NUDT5: variants seen among roughly 807,000 people sequenced by gnomAD.
The protein encoded by NUDT5 is ADP-sugar pyrophosphatase.
A neutral mutation model predicts 34.1 loss-of-function variants in NUDT5; 21 were observed. That is an observed-to-expected ratio of 0.62 (90% CI 0.44 to 0.89). The LOEUF (loss-of-function observed/expected upper bound fraction) is 0.89. NUDT5 is among the 40% of genes least tolerant of loss of function. The pLI is 0.00. For synonymous variants in NUDT5, 85 were observed against 97.6 expected (o/e 0.87, Z 0.76); for missense variants, 249 against 274.8 (o/e 0.91, Z 0.66).
At position 12,169,616 on chromosome 10, in the gene NUDT5, T is replaced by C; in HGVS notation, c.550+1101A>G. 1 of 280,810 alleles carries C rather than the reference T, an allele frequency of 3.6e-6. No individual in the cohort carries two copies. Among genetic ancestry groups the C allele is most frequent in the Admixed American group, 5.1e-5 (1 of 19,698 alleles). 17.4% of individuals were successfully genotyped at this position (280,810 alleles called of 1,614,324 possible). Reference sequence around the variant, plus strand: ...TTGTTCTAACTCTGGCTTTGAGCTGTCGAGGTGGCTTCTACCTTAGGTCTA... The same window carrying C: ...TTGTTCTAACTCTGGCTTTGAGCTGCCGAGGTGGCTTCTACCTTAGGTCTA... On this transcript the variant is annotated intron_variant, in intron 9 of 9. Coordinates refer to ENST00000491614, the MANE Select transcript of NUDT5 (RefSeq NM_014142.4). This position sits in a 1 kb window ranked among gnomAD's most constrained non-coding sequence, Gnocchi z 4.8.
At position 12,166,838 on chromosome 10, in the gene NUDT5, C is replaced by A; in HGVS notation, c.*864G>T. The A allele has an allele frequency of 2.2e-6, 1 of 449,904 alleles. No homozygotes were observed. The allele number at this position is 449,904 out of a possible 1,614,324, so 27.9% of individuals were successfully genotyped here. A position where few individuals can be genotyped will look rare whatever the true frequency, so the allele number is the denominator to read the frequency against. Reference sequence around the variant, plus strand: ...AACTGCTAGATGACAGGGTTTCAGGCATGGGAACCAGATCAATCTGTACTT... The same window carrying A: ...AACTGCTAGATGACAGGGTTTCAGGAATGGGAACCAGATCAATCTGTACTT... On this transcript the variant is annotated 3_prime_UTR_variant, in exon 10 of 10. Transcript: ENST00000491614.
chr10:12,195,537 T>C (rs1465841951), intron 1 of NUDT5, among the ~76,000 whole-genome samples: 1 of 152,218 alleles, frequency 6.6e-6, no homozygotes, highest in African/African-American at 2.4e-5. Flanking sequence ...GAACTAACAC[T>C]TAGCTGTGGT....
In NUDT5 at chr10:12,170,084, C is replaced by T; in HGVS notation, c.550+633G>A. 2.5e-6 allele frequency: 4 copies of T among 1,605,284 alleles called. No homozygotes were observed. The highest frequency in any genetic ancestry group is 1.7e-5 in the Admixed American group (1 of 60,004). ...GTCTCCACACAGTATCTCCTCATGT[C>T]TCCATACAGTATCTCCTCTCGTGGT... is the stretch of plus-strand genomic sequence containing the variant. On this transcript the variant is annotated intron_variant, in intron 9 of 9. Coordinates refer to ENST00000491614, the MANE Select transcript of NUDT5 (RefSeq NM_014142.4). The surrounding 1 kb of genome is among the most constrained non-coding windows in gnomAD (Gnocchi z 4.9).
intron 1 of NUDT5, among the ~76,000 whole-genome samples, chr10:12,191,979 C>CA (rs549824135): frequency 6.9e-4 from 105 of 152,210 alleles, no homozygotes; most frequent in African/African-American, 2.5e-3. Flanking sequence ...GCTGAGGCTG[C>CA]AAAGTGAAGC....
chr10:12,178,526 G>A (rs1262792211), intron 4 of NUDT5, among the ~76,000 whole-genome samples: 1 of 152,158 alleles, frequency 6.6e-6, no homozygotes, highest in East Asian at 1.9e-4. Flanking sequence ...AGCAAAAATG[G>A]AAACCAAAAC....
rs1203213975 is a variant in NUDT5, at chr10:12,170,080, A to G, written c.550+637T>C. ...CCTCGTCTCCACACAGTATCTCCTC[A>G]TGTCTCCATACAGTATCTCCTCTCG... On this transcript the variant is annotated intron_variant, in intron 9 of 9. Coordinates refer to ENST00000491614, the MANE Select transcript of NUDT5 (RefSeq NM_014142.4). This position sits in a 1 kb window ranked among gnomAD's most constrained non-coding sequence, Gnocchi z 4.9. The G allele has an allele frequency of 6.2e-7, 1 of 1,604,400 alleles. No homozygotes were observed.
chr10:12,187,385 G>A lies in NUDT5; in HGVS notation c.-41-1053C>T, dbSNP rs1324088741. Reference sequence around the variant, plus strand: ...CATGTATCAAAGTCATAGTTGCAGAGAAAGGATCGAGTAGTACTACAAGTT... The same window carrying A: ...CATGTATCAAAGTCATAGTTGCAGAAAAAGGATCGAGTAGTACTACAAGTT... On this transcript the variant is annotated intron_variant, in intron 1 of 9. Transcript: ENST00000491614. The surrounding 1 kb of genome is among the most constrained non-coding windows in gnomAD (Gnocchi z 5.4). 6.6e-6 allele frequency among the ~76,000 whole-genome samples: 1 copy of A among 152,228 alleles called. No homozygotes were observed. Among genetic ancestry groups the A allele is most frequent in the African/African-American group, 2.4e-5 (1 of 41,458 alleles).
rs184126958 is a variant in NUDT5, at chr10:12,181,798, G to C, written c.132-2666C>G. Among the ~76,000 whole-genome samples, 8 of 151,758 alleles carry C rather than the reference G, an allele frequency of 5.3e-5. No homozygotes were observed. The highest frequency in any genetic ancestry group is 1.2e-4 in the Non-Finnish European group (8 of 67,968). On this transcript the variant is annotated intron_variant, in intron 3 of 9. Transcript: ENST00000491614. The surrounding 1 kb of genome is among the most constrained non-coding windows in gnomAD (Gnocchi z 5.0). ...GTTCGAGACCAGCCTGGGCAACATA[G>C]TGAGACTCTGTCTCTACTAAAAAAA...
chr10:12,190,587 G>A (rs1475180716), intron 1 of NUDT5, among the ~76,000 whole-genome samples: 1 of 150,950 alleles, frequency 6.6e-6, no homozygotes, highest in Non-Finnish European at 1.5e-5. Flanking sequence ...TTGGGAGGCA[G>A]TGAGGAAAAT....
In NUDT5 at chr10:12,170,028, C is replaced by G. The variant is rs1335888825; in HGVS notation, c.550+689G>C. ...CCATACAGAGGTGCTCCTTGAAGGG[C>G]CCATGGTATGTCTCCATACAGTATC... On this transcript the variant is annotated intron_variant, in intron 9 of 9. Coordinates refer to ENST00000491614, the MANE Select transcript of NUDT5 (RefSeq NM_014142.4). The surrounding 1 kb of genome is among the most constrained non-coding windows in gnomAD (Gnocchi z 4.9). 7.4e-7 allele frequency: 1 copy of G among 1,344,838 alleles called. No homozygotes were observed. Among genetic ancestry groups the G allele is most frequent in the Non-Finnish European group, 1.1e-6 (1 of 942,986 alleles). 83.3% of individuals were successfully genotyped at this position (1,344,838 alleles called of 1,614,324 possible).
rs1400324701 is a variant in NUDT5, at chr10:12,170,112, T to C, written c.550+605A>G. ...CATACAGTATCTCCTCTCGTGGTTT[T>C]ATCAAAGGACTTTTCTCCCCATAAG... On this transcript the variant is annotated intron_variant, in intron 9 of 9. Transcript: ENST00000491614. The surrounding 1 kb of genome is among the most constrained non-coding windows in gnomAD (Gnocchi z 4.9). 2 of 1,612,380 alleles carry C rather than the reference T, an allele frequency of 1.2e-6. No individual in the cohort carries two copies. Among genetic ancestry groups the C allele is most frequent in the South Asian group, 2.2e-5 (2 of 91,072 alleles).
rs111415646 is a variant in NUDT5, at chr10:12,195,774, A to G, written c.-46T>C. The G allele has an allele frequency of 1.2e-5, 2 of 171,808 alleles. No homozygotes were observed. The highest frequency in any genetic ancestry group is 1.1e-4 in the South Asian group (1 of 8,802). 10.6% of individuals were successfully genotyped at this position (171,808 alleles called of 1,614,324 possible). A position where few individuals can be genotyped will look rare whatever the true frequency, so the allele number is the denominator to read the frequency against. ...TGGCTTGCCCCGGTTACTTACTCCA[A>G]GGTGTAGGGGTGAAGAACGGAAGAG... On this transcript the variant is annotated 5_prime_UTR_variant, in exon 1 of 10. Coordinates refer to ENST00000491614, the MANE Select transcript of NUDT5 (RefSeq NM_014142.4).
chr10:12,184,507 A>G (rs1835094611), intron 3 of NUDT5: 1 of 1,552,400 alleles, frequency 6.4e-7, no homozygotes. Flanking sequence ...AAAATTAGCA[A>G]TGTTGTTGTT....
intron 1 of NUDT5, among the ~76,000 whole-genome samples, chr10:12,194,781 G>A (rs1468718879): frequency 1.3e-5 from 2 of 152,184 alleles, no homozygotes; most frequent in Admixed American, 6.5e-5. Context: ...CAGGAAGAAT[G>A]TACATTTAAG....
In NUDT5 at chr10:12,175,409, G is replaced by A. The variant is rs1803156129; in HGVS notation, c.290-1596C>T. 6.6e-6 allele frequency among the ~76,000 whole-genome samples: 1 copy of A among 152,194 alleles called. No homozygotes were observed. The highest frequency in any genetic ancestry group is 2.4e-5 in the African/African-American group (1 of 41,460). The stretch of plus-strand genomic sequence containing the variant: ...GCCTGTAATCCCAACACTTTGGGAG[G>A]CTGAGGCAGGAGGATCACTTGAGGC... On this transcript the variant is annotated intron_variant, in intron 5 of 9. Transcript: ENST00000491614. The surrounding 1 kb of genome is among the most constrained non-coding windows in gnomAD (Gnocchi z 4.8).
intron 4 of NUDT5, 44 bp downstream of exon 4, chr10:12,179,039 G>A (rs910158669): frequency 1.3e-6 from 2 of 1,531,946 alleles, no homozygotes; most frequent in Non-Finnish European, 1.8e-6. Context: ...GATCACAAGT[G>A]CTAACTTCCT....
Position 12,172,836 on chromosome 10 carries a change from C to T in NUDT5, c.416G>A (p.Cys139Tyr), listed in dbSNP as rs769160692. ...AVCMDPGLSN[C>Y]TIHIVTVTIN... ...GGTGACTGTCACGATGTGTATAGTA[C>T]AGTTTGACAAGCCTGGGTCCATACA... Residue 139 changes from cysteine (C) to tyrosine (Y), a missense_variant, in exon 7 of 10, where the codon TGT (cysteine) becomes TAT (tyrosine). By Grantham distance (194) the Cys-to-Tyr change is radical. Coordinates refer to ENST00000491614, the MANE Select transcript of NUDT5 (RefSeq NM_014142.4). 1.2e-6 allele frequency: 2 copies of T among 1,614,088 alleles called. No individual in the cohort carries two copies. Among genetic ancestry groups the T allele is most frequent in the African/African-American group, 2.7e-5 (2 of 74,948 alleles).
At chr10:12,189,084 G>A (rs982180124) in intron 1 of NUDT5, among the ~76,000 whole-genome samples, 1 of 152,142 alleles carries the variant, frequency 6.6e-6, no homozygotes, top group East Asian at 1.9e-4. Flanking sequence ...TCCTTTGAAA[G>A]TACCATAGAT....
intron 3 of NUDT5, among the ~76,000 whole-genome samples, chr10:12,184,296 C>T (rs938871594): frequency 7.9e-5 from 12 of 151,982 alleles, no homozygotes; most frequent in African/African-American, 2.2e-4. Flanking sequence ...ATGCCCCCCG[C>T]CCCGGCCCCC....
Sources: allele counts gnomAD v4.1 joint callset (sites outside exome capture counted in the v4.1 genomes callset), GRCh38; gene constraint gnomAD v4.1.1; non-coding constraint Gnocchi (gnomAD v3.1); transcripts MANE v1.5; gene names NCBI Gene and HGNC (gene_info 2026-07-23, HGNC 2026-07-21).